NRXN3: variants seen among roughly 807,000 people sequenced by gnomAD.
NRXN3 encodes neurexin 3, also known as neurexin III.
NRXN3 carries 32 observed loss-of-function variants against 137.6 expected under a neutral mutation model. The observed-to-expected ratio is 0.23, with a 90% CI of 0.18 to 0.31. The LOEUF (loss-of-function observed/expected upper bound fraction) is 0.31, where lower values mean the gene tolerates loss of function less well. Among genes scored for constraint, NRXN3 ranks in the 10% least tolerant of loss-of-function variants. The pLI is 1.00. For synonymous variants in NRXN3, 798 were observed against 784.5 expected (o/e 1.02, Z -0.29); for missense variants, 1,574 against 2,062.5 (o/e 0.76, Z 4.59).
At chr14:79,175,022 C>G (rs187777917) in intron 15 of NRXN3, among the ~76,000 whole-genome samples, 5 of 150,362 alleles carry the variant, frequency 3.3e-5, no homozygotes, top group Admixed American at 3.3e-4. Context: ...TCTCTGTTGC[C>G]CAGGCTGGAG....
intron 10 of NRXN3, among the ~76,000 whole-genome samples, chr14:78,862,052 C>G (rs970030664): frequency 4.6e-5 from 7 of 152,180 alleles, no homozygotes; most frequent in South Asian, 2.1e-4. Context: ...TAGTAAACAA[C>G]TAAAACCTCT....
chr14:79,824,008 AG>A (rs1164757287), intron 20 of NRXN3: 4 of 401,864 alleles, frequency 1.0e-5, no homozygotes, highest in Admixed American at 4.8e-5. Context: ...CTTGGAACCC[AG>A]GAACACAGAT....
intron 4 of NRXN3, among the ~76,000 whole-genome samples, chr14:78,602,815 G>A (rs189661232): frequency 5.3e-5 from 8 of 152,306 alleles, no homozygotes; most frequent in South Asian, 2.1e-4. Flanking sequence ...GGAAAGCTGT[G>A]TCTCATAAAT....
chr14:78,970,914 G>A (rs552273303), intron 14 of NRXN3, among the ~76,000 whole-genome samples: 2 of 152,260 alleles, frequency 1.3e-5, no homozygotes, highest in East Asian at 1.9e-4. Context: ...TAATTACAAC[G>A]GTTACCCACT....
intron 19 of NRXN3, among the ~76,000 whole-genome samples, chr14:79,719,402 G>GTATATATATGTGTGTGTGTATA (rs5741998): frequency 0.01 from 1,486 of 142,254 alleles, 16 homozygotes; most frequent in Non-Finnish European, 0.014. Flanking sequence ...ATATATGTGT[G>GTATATATATGTGTGTGTGTATA]TATATATATA....
intron 19 of NRXN3, among the ~76,000 whole-genome samples, chr14:79,749,255 C>T (rs939864361): frequency 1.3e-5 from 2 of 152,038 alleles, no homozygotes; most frequent in African/African-American, 4.8e-5. Flanking sequence ...TGTGTGTGCT[C>T]ACATTTGTCT....
intron 15 of NRXN3, among the ~76,000 whole-genome samples, chr14:79,028,733 A>G (rs2152479365): frequency 6.6e-6 from 1 of 152,228 alleles, no homozygotes. Flanking sequence ...GGAAGGGGGA[A>G]GTCATTGGTT....
intron 14 of NRXN3, among the ~76,000 whole-genome samples, chr14:78,977,685 T>C (rs2099472881): frequency 6.6e-6 from 1 of 152,114 alleles, no homozygotes; most frequent in Non-Finnish European, 1.5e-5. Flanking sequence ...TCTACTGTCA[T>C]GGAAGGTGCT....
intron 4 of NRXN3, among the ~76,000 whole-genome samples, chr14:78,569,200 C>T (rs2096865686): frequency 6.6e-6 from 1 of 151,696 alleles, no homozygotes; most frequent in Non-Finnish European, 1.5e-5. Context: ...ATCTCCTGAT[C>T]TCAGGTGATC....
At chr14:79,330,904 C>T (rs942033954) in intron 15 of NRXN3, among the ~76,000 whole-genome samples, 1 of 111,346 alleles carries the variant, frequency 9.0e-6, no homozygotes, top group East Asian at 2.9e-4. Context: ...TGTAGATCCC[C>T]TTCATCTTCA....
chr14:78,723,490 TAGG>T (rs2098469570), intron 8 of NRXN3, among the ~76,000 whole-genome samples: 1 of 152,190 alleles, frequency 6.6e-6, no homozygotes, highest in South Asian at 2.1e-4. Flanking sequence ...GGGAGATTCT[TAGG>T]AGGAGTGGGG....
At chr14:79,222,921 C>T (rs1005611742) in intron 15 of NRXN3, among the ~76,000 whole-genome samples, 1 of 152,000 alleles carries the variant, frequency 6.6e-6, no homozygotes, top group African/African-American at 2.4e-5. Flanking sequence ...GGATAACAGT[C>T]CTTTATCATT....
rs920708474 is a variant in NRXN3, at chr14:78,709,364, T to C, written c.1369T>C (p.Tyr457His). ...DPINFETPEA[Y>H]ISLPKWNTKR... ...CATCAACTTTGAGACCCCAGAGGCT[T>C]ACATCAGCTTGCCCAAGTGGAACAC... The change falls in exon 7 of 21, where the codon TAC (tyrosine) becomes CAC (histidine). Residue 457 changes from tyrosine (Y) to histidine (H), a missense_variant. Tyr to His is a moderately conservative substitution (Grantham distance 83). This residue lies in a region of NRXN3 where 718 missense variants were observed against 887.6 expected (regional missense o/e 0.81). Coordinates refer to ENST00000335750, the MANE Select transcript of NRXN3 (RefSeq NM_001330195.2). 1.2e-6 allele frequency: 2 copies of C among 1,614,010 alleles called. No individual in the cohort carries two copies. Among genetic ancestry groups the C allele is most frequent in the Non-Finnish European group, 1.7e-6 (2 of 1,180,000 alleles).
Position 78,913,088 on chromosome 14 carries a change from A to T in NRXN3, c.2276-44154A>T, listed in dbSNP as rs907493589. 3.9e-5 allele frequency among the ~76,000 whole-genome samples: 6 copies of T among 152,116 alleles called. No individual in the cohort carries two copies. In the South Asian group the frequency reaches 8.3e-4, roughly 21 times the overall value. ...AGAGGCAAGGCAAACACTAAACAAG[A>T]TACTAATTATACAGTTACAATCTTG... On this transcript the variant is annotated intron_variant, in intron 10 of 20. Coordinates refer to ENST00000335750, the MANE Select transcript of NRXN3 (RefSeq NM_001330195.2).
intron 8 of NRXN3, among the ~76,000 whole-genome samples, chr14:78,791,774 A>T (rs2153053068): frequency 6.6e-6 from 1 of 152,302 alleles, no homozygotes; most frequent in South Asian, 2.1e-4. Flanking sequence ...AATAAGACAC[A>T]GTCCAGATAG....
At chr14:79,702,091 G>T (rs1006783857) in intron 19 of NRXN3, among the ~76,000 whole-genome samples, 1 of 151,962 alleles carries the variant, frequency 6.6e-6, no homozygotes, top group African/African-American at 2.4e-5. Context: ...ATAGAGATTT[G>T]AAGGTGGATC....
intron 11 of NRXN3, among the ~76,000 whole-genome samples, chr14:78,959,540 C>G (rs1421370502): frequency 6.6e-6 from 1 of 152,120 alleles, no homozygotes; most frequent in Non-Finnish European, 1.5e-5. Flanking sequence ...GGCCACAACA[C>G]TTGACCTCTC....
intron 4 of NRXN3, among the ~76,000 whole-genome samples, chr14:78,391,018 T>C (rs1293313963): frequency 6.6e-6 from 1 of 152,196 alleles, no homozygotes; most frequent in East Asian, 1.9e-4. Context: ...CACTTAAAAG[T>C]GAAAACATGT....
intron 15 of NRXN3, among the ~76,000 whole-genome samples, chr14:79,441,498 G>A (rs909762640): frequency 7.0e-6 from 1 of 143,204 alleles, no homozygotes; most frequent in Non-Finnish European, 1.5e-5. Context: ...TCCTGCCTCA[G>A]CCTCCCGAGT....
Sources: gnomAD v4.1 joint callset for allele counts (sites outside exome capture counted in the v4.1 genomes callset) on GRCh38, gnomAD v4.1.1 for gene constraint, gnomAD v4.1.1 regional missense constraint, MANE v1.5 for transcripts, NCBI Gene and HGNC (gene_info 2026-07-23, HGNC 2026-07-21) for gene names.